FBXL17: variants seen among roughly 807,000 people sequenced by gnomAD.
FBXL17 encodes F-box/LRR-repeat protein 17.
Under a neutral mutation model 66.2 loss-of-function variants are expected in FBXL17, and 22 were observed. The observed-to-expected ratio is 0.33, with a 90% CI of 0.24 to 0.47. The LOEUF (loss-of-function observed/expected upper bound fraction) is 0.47. FBXL17 is among the 20% of genes least tolerant of loss of function. The pLI is 1.00. For missense variants in FBXL17, 878 were observed against 948.2 expected (o/e 0.93, Z 0.97); for synonymous variants, 474 against 400.5 (o/e 1.18, Z -2.19).
chr5:108,290,383 C>A (rs1414947894), intron 4 of FBXL17, among the ~76,000 whole-genome samples: 1 of 152,048 alleles, frequency 6.6e-6, no homozygotes, highest in African/African-American at 2.4e-5. Flanking sequence ...TGTTTTTTTA[C>A]CCCATGTCTC....
intron 6 of FBXL17, among the ~76,000 whole-genome samples, chr5:108,065,076 T>C (rs541195128): frequency 2.6e-5 from 4 of 152,316 alleles, no homozygotes; most frequent in Non-Finnish European, 5.9e-5. Flanking sequence ...CCTTGGAGGC[T>C]ACCCTATTAG....
At chr5:108,079,419 C>T (rs1164640578) in intron 6 of FBXL17, among the ~76,000 whole-genome samples, 2 of 151,882 alleles carry the variant, frequency 1.3e-5, no homozygotes, top group African/African-American at 4.8e-5. Flanking sequence ...AGATACAATT[C>T]CTGACTACTG....
intron 4 of FBXL17, among the ~76,000 whole-genome samples, chr5:108,277,082 A>G (rs1253008997): frequency 6.6e-6 from 1 of 152,152 alleles, no homozygotes; most frequent in Non-Finnish European, 1.5e-5. Context: ...CATTCTATCA[A>G]TGAAAACAGA....
intron 7 of FBXL17, among the ~76,000 whole-genome samples, chr5:107,939,638 T>C (rs1020192628): frequency 1.3e-5 from 2 of 152,186 alleles, no homozygotes; most frequent in Non-Finnish European, 2.9e-5. Flanking sequence ...GTACGGAGGA[T>C]CACCCTGTCT....
intron 5 of FBXL17, among the ~76,000 whole-genome samples, chr5:108,203,244 A>G (rs1268094177): frequency 6.6e-6 from 1 of 151,868 alleles, no homozygotes; most frequent in Admixed American, 6.6e-5. Context: ...TTCCTCATGC[A>G]TCCCTAGAGG....
At chr5:108,033,654 T>A (rs2112789289) in intron 6 of FBXL17, among the ~76,000 whole-genome samples, 2 of 152,300 alleles carry the variant, frequency 1.3e-5, no homozygotes, top group East Asian at 3.9e-4. Flanking sequence ...ACGTAGTAGG[T>A]GCGCAATTAG....
intron 1 of FBXL17, among the ~76,000 whole-genome samples, chr5:108,375,781 C>A (rs979199294): frequency 1.3e-5 from 2 of 152,048 alleles, no homozygotes; most frequent in Admixed American, 1.3e-4. Context: ...GCTATAAGGC[C>A]AGCATATCCT....
intron 6 of FBXL17, among the ~76,000 whole-genome samples, chr5:108,137,178 A>T (rs1378629113): frequency 6.6e-6 from 1 of 152,174 alleles, no homozygotes; most frequent in Non-Finnish European, 1.5e-5. Flanking sequence ...AAATCTTGAA[A>T]TGTCTTTGGC....
intron 7 of FBXL17, among the ~76,000 whole-genome samples, chr5:108,017,838 T>C (rs1418885239): frequency 6.6e-6 from 1 of 152,188 alleles, no homozygotes; most frequent in Non-Finnish European, 1.5e-5. Context: ...AATATCTATG[T>C]TCAGTTTGGG....
intron 6 of FBXL17, among the ~76,000 whole-genome samples, chr5:108,132,149 T>C (rs1391834923): frequency 6.6e-6 from 1 of 152,136 alleles, no homozygotes; most frequent in Non-Finnish European, 1.5e-5. Context: ...GCTAATTTTG[T>C]ATTTTTAGTA....
At chr5:108,308,604 G>GATTATTCCACAAAATAGCTTA in intron 4 of FBXL17, among the ~76,000 whole-genome samples, 1 of 152,010 alleles carries the variant, frequency 6.6e-6, no homozygotes, top group South Asian at 2.1e-4. Context: ...TTGAATTAGC[G>GATTATTCCACAAAATAGCTTA]ATTATTCCAC....
intron 7 of FBXL17, among the ~76,000 whole-genome samples, chr5:107,957,539 A>C (rs966468724): frequency 7.2e-5 from 11 of 152,194 alleles, no homozygotes; most frequent in African/African-American, 2.7e-4. Context: ...GAGAGTTGAC[A>C]TCATCTTTCA....
In FBXL17 at chr5:107,980,664, A is replaced by ATTTTTTTTT. The variant is rs57472813; in HGVS notation, c.1822+40252_1822+40260dup. Reference sequence around the variant, plus strand: ...TAAAATAATATATATATATATATATATTTTTTTTTTGAGATGGAGTCTTGC... The same window carrying ATTTTTTTTT: ...TAAAATAATATATATATATATATATATTTTTTTTTTTTTTTTTTTGAGATGGAGTCTTGC... On this transcript the variant is annotated intron_variant, in intron 7 of 8. Transcript: ENST00000542267. Among the ~76,000 whole-genome samples, 7 of 62,032 alleles carry ATTTTTTTTT rather than the reference A, an allele frequency of 1.1e-4. 1 individual carries two copies. The highest frequency in any genetic ancestry group is 6.2e-4 in the African/African-American group (6 of 9,736). 40.7% of individuals were successfully genotyped at this position (62,032 alleles called of 152,430 possible).
chr5:108,350,701 T>C (rs907386215), intron 3 of FBXL17, among the ~76,000 whole-genome samples: 2 of 152,220 alleles, frequency 1.3e-5, no homozygotes, highest in African/African-American at 2.4e-5. Context: ...AGATAAATTA[T>C]TTCTAACCCA....
intron 6 of FBXL17, among the ~76,000 whole-genome samples, chr5:108,069,682 T>C (rs1748255206): frequency 6.6e-6 from 1 of 152,162 alleles, no homozygotes; most frequent in Admixed American, 6.5e-5. Context: ...CATAGCCTGG[T>C]TACAGTTGGT....
intron 2 of FBXL17, among the ~76,000 whole-genome samples, chr5:108,366,980 G>A (rs776713232): frequency 5.3e-5 from 8 of 152,034 alleles, no homozygotes; most frequent in South Asian, 2.1e-4. Context: ...ATGGCATAAC[G>A]TGTAGCTTGA....
At chr5:107,920,794 C>A (rs1217672453) in intron 7 of FBXL17, among the ~76,000 whole-genome samples, 2 of 152,038 alleles carry the variant, frequency 1.3e-5, no homozygotes, top group Non-Finnish European at 2.9e-5. Flanking sequence ...GTTGAACAGA[C>A]AGGTTTAATG....
At position 108,185,805 on chromosome 5, in the gene FBXL17, C is replaced by G. The variant is rs77460204; in HGVS notation, c.1745+312G>C. ...AATGTTAAAGTGACAAATAATATAT[C>G]ATTACAAACTTACAAGCATGGCAAA... On this transcript the variant is annotated intron_variant, in intron 6 of 8. Coordinates refer to ENST00000542267, the MANE Select transcript of FBXL17 (RefSeq NM_001163315.3). 2.7e-3 allele frequency among the ~76,000 whole-genome samples: 413 copies of G among 152,216 alleles called. 1 individual carries two copies. Among genetic ancestry groups the G allele is most frequent in the African/African-American group, 9.6e-3 (398 of 41,528 alleles).
chr5:108,373,953 TA>T (rs1040443847), intron 1 of FBXL17, among the ~76,000 whole-genome samples: 2 of 152,062 alleles, frequency 1.3e-5, no homozygotes, highest in African/African-American at 4.8e-5. Flanking sequence ...GGATAAAATG[TA>T]AAAACACAAT....
Sources: allele counts gnomAD v4.1 joint callset (sites outside exome capture counted in the v4.1 genomes callset), GRCh38; gene constraint gnomAD v4.1.1; transcripts MANE v1.5; gene names NCBI Gene and HGNC (gene_info 2026-07-23, HGNC 2026-07-21).